TAF1B: variants seen among roughly 807,000 people sequenced by gnomAD.
TAF1B encodes TATA-box binding protein associated factor, RNA polymerase I subunit B.
A neutral mutation model predicts 83.9 loss-of-function variants in TAF1B; 61 were observed. The observed-to-expected ratio is 0.73, with a 90% CI of 0.59 to 0.90. TAF1B has a LOEUF of 0.90. Among genes scored for constraint, TAF1B ranks in the 40% least tolerant of loss-of-function variants. The pLI is 0.00. For synonymous variants in TAF1B, 221 were observed against 224.6 expected (o/e 0.98, Z 0.14); for missense variants, 625 against 677.0 (o/e 0.92, Z 0.85).
At chr2:9,866,380 A>G (rs1663977036) in intron 5 of TAF1B, among the ~76,000 whole-genome samples, 1 of 152,104 alleles carries the variant, frequency 6.6e-6, no homozygotes, top group Non-Finnish European at 1.5e-5. Context: ...TCAAAACCAC[A>G]TTGAGATACC....
intron 8 of TAF1B, among the ~76,000 whole-genome samples, chr2:9,901,630 T>TA (rs1665180792): frequency 6.6e-6 from 1 of 152,288 alleles, no homozygotes; most frequent in East Asian, 1.9e-4. Context: ...TTGCATCTCT[T>TA]ACCTGCATTA....
intron 8 of TAF1B, among the ~76,000 whole-genome samples, chr2:9,886,607 A>T (rs140671719): frequency 0.011 from 1,722 of 152,300 alleles, 22 homozygotes; most frequent in Non-Finnish European, 0.015. Flanking sequence ...TATTTTCAAA[A>T]ATTTCTTCTA....
At chr2:9,911,970 A>G (rs982908198) in intron 11 of TAF1B, among the ~76,000 whole-genome samples, 2 of 152,210 alleles carry the variant, frequency 1.3e-5, no homozygotes, top group African/African-American at 4.8e-5. Context: ...TTGAAGATGC[A>G]GCATAAACAC....
chr2:9,910,877 T>G lies in TAF1B; in HGVS notation c.1097T>G (p.Leu366Trp). The G allele has an allele frequency of 1.2e-6, 2 of 1,612,410 alleles. No individual in the cohort carries two copies. The highest frequency in any genetic ancestry group is 1.7e-6 in the Non-Finnish European group (2 of 1,179,228). ...VQAVAIIVVV[L>W]KLLFLLDDSF... ...GCTGTAGCTATCATTGTGGTGGTAT[T>G]GAAACTGCTCTTTCTATTGGATGAC... Residue 366 changes from leucine (L) to tryptophan (W), a missense_variant, in exon 10 of 15, where the codon TTG becomes TGG. Transcript: ENST00000263663.
intron 5 of TAF1B, among the ~76,000 whole-genome samples, chr2:9,867,990 T>C (rs1288202965): frequency 6.6e-6 from 1 of 152,048 alleles, no homozygotes; most frequent in Non-Finnish European, 1.5e-5. Context: ...ATGTTTTCAG[T>C]GGTGAAGATA....
chr2:9,888,398 TTCTGG>T (rs1488689589), intron 8 of TAF1B, among the ~76,000 whole-genome samples: 1 of 152,178 alleles, frequency 6.6e-6, no homozygotes, highest in Non-Finnish European at 1.5e-5. Flanking sequence ...TGTTTGCCAT[TTCTGG>T]TAATCTTTTT....
At position 9,888,790 on chromosome 2, in the gene TAF1B, G is replaced by GGTT. The variant is rs753209727; in HGVS notation, c.807+5985_807+5986insGTT. 7.3e-5 allele frequency among the ~76,000 whole-genome samples: 6 copies of GGTT among 81,666 alleles called. 1 individual carries two copies. Among genetic ancestry groups the GGTT allele is most frequent in the African/African-American group, 7.8e-5 (1 of 12,886 alleles). The allele number at this position is 81,666 out of a possible 152,430, so 53.6% of individuals were successfully genotyped here. A position where few individuals can be genotyped will look rare whatever the true frequency, so the allele number is the denominator to read the frequency against. On this transcript the variant is annotated intron_variant, in intron 8 of 14. Coordinates refer to ENST00000263663, the MANE Select transcript of TAF1B (RefSeq NM_005680.3). ...GTTTTCTTTATGTTTCTTCTGCTTG[G>GGTT]TTTTTTTTTTTTTTTTTTTTTTTTT...
intron 5 of TAF1B, among the ~76,000 whole-genome samples, chr2:9,865,572 C>T (rs1417580421): frequency 6.6e-6 from 1 of 152,146 alleles, no homozygotes; most frequent in Non-Finnish European, 1.5e-5. Flanking sequence ...ACTTTCTTCG[C>T]AGAATTGGAA....
At chr2:9,893,420 G>GA (rs60703030) in intron 8 of TAF1B, among the ~76,000 whole-genome samples, 42,458 of 152,034 alleles carry the variant, frequency 0.28, 6,911 homozygotes, top group Middle Eastern at 0.4. Flanking sequence ...CAGGAAAATG[G>GA]AAAAAATGTG....
Position 9,932,146 on chromosome 2 carries a change from G to A in TAF1B, c.1566-1637G>A, listed in dbSNP as rs189842709. Among the ~76,000 whole-genome samples the A allele has an allele frequency of 1.1e-4, 17 of 152,236 alleles. No homozygotes were observed. The East Asian group carries it at 2.9e-3, about 26-fold the overall frequency. On this transcript the variant is annotated intron_variant, in intron 14 of 14. Coordinates refer to ENST00000263663, the MANE Select transcript of TAF1B (RefSeq NM_005680.3). The stretch of plus-strand genomic sequence containing the variant: ...TAGCTCAGAAAAGTTTGTTATTGCC[G>A]ACCTTCTGAAGCCTACTTCTGTCAG...
At chr2:9,884,485 G>A (rs1028150683) in intron 8 of TAF1B, among the ~76,000 whole-genome samples, 1 of 152,250 alleles carries the variant, frequency 6.6e-6, no homozygotes, top group African/African-American at 2.4e-5. Flanking sequence ...GGGTGAGCGA[G>A]ATGAAGAGGA....
chr2:9,848,624 C>T (rs1663284043), intron 2 of TAF1B, among the ~76,000 whole-genome samples: 1 of 151,650 alleles, frequency 6.6e-6, no homozygotes, highest in Admixed American at 6.6e-5. Flanking sequence ...AGAGATCGCA[C>T]CATTGCACTC....
At chr2:9,861,239 G>A (rs972127647) in intron 5 of TAF1B, among the ~76,000 whole-genome samples, 26 of 152,326 alleles carry the variant, frequency 1.7e-4, no homozygotes, top group Middle Eastern at 3.4e-3. Flanking sequence ...AAATCAGGTC[G>A]CTCCCACCCT....
Position 9,884,116 on chromosome 2 carries a change from G to T in TAF1B, c.807+1311G>T, listed in dbSNP as rs987634457. ...AGTCAGATATGCCACCTGCTGCAGC[G>T]GGGCAGGCAGTTCCAGGTGCCAGCA... On this transcript the variant is annotated intron_variant, in intron 8 of 14. Transcript: ENST00000263663. Among the ~76,000 whole-genome samples, 3 of 152,194 alleles carry T rather than the reference G, an allele frequency of 2.0e-5. No individual in the cohort carries two copies. In the East Asian group the frequency reaches 5.8e-4, roughly 29 times the overall value.
intron 8 of TAF1B, among the ~76,000 whole-genome samples, chr2:9,887,206 T>G (rs1271569463): frequency 7.3e-6 from 1 of 137,488 alleles, no homozygotes; most frequent in African/African-American, 2.5e-5. Flanking sequence ...ACATCTAAAC[T>G]GTTTCCTTCC....
At chr2:9,933,051 T>C (rs4669502) in intron 14 of TAF1B, among the ~76,000 whole-genome samples, 3 of 152,084 alleles carry the variant, frequency 2.0e-5, no homozygotes, top group Admixed American at 1.3e-4. Flanking sequence ...TGGGTGGGAG[T>C]GTCCCGATTT....
chr2:9,901,351 T>A (rs2125167060), intron 8 of TAF1B, among the ~76,000 whole-genome samples: 1 of 140,390 alleles, frequency 7.1e-6, no homozygotes, highest in Non-Finnish European at 1.7e-5. Context: ...TAGGTAGATA[T>A]GCACACTTAA....
intron 8 of TAF1B, among the ~76,000 whole-genome samples, chr2:9,888,412 T>A (rs1448178176): frequency 6.6e-6 from 1 of 152,182 alleles, no homozygotes; most frequent in Non-Finnish European, 1.5e-5. Flanking sequence ...GGTAATCTTT[T>A]TATTTAGATC....
chr2:9,858,049 C>G (rs1359926957), intron 5 of TAF1B, among the ~76,000 whole-genome samples: 1 of 152,174 alleles, frequency 6.6e-6, no homozygotes, highest in Non-Finnish European at 1.5e-5. Context: ...CCAGCATTAA[C>G]TCATTAACTC....
Sources: allele counts gnomAD v4.1 joint callset (sites outside exome capture counted in the v4.1 genomes callset), GRCh38; gene constraint gnomAD v4.1.1; transcripts MANE v1.5; gene names NCBI Gene and HGNC (gene_info 2026-07-23, HGNC 2026-07-21).